The following ARID3A variants were observed in gnomAD, a reference collection of about 807,000 sequenced individuals.
The protein encoded by ARID3A is AT-rich interaction domain 3A.
ARID3A carries 11 observed loss-of-function variants against 52.7 expected under a neutral mutation model. The observed-to-expected ratio is 0.21, with a 90% CI of 0.13 to 0.35. ARID3A has a LOEUF of 0.35. Ranked by LOEUF, ARID3A falls within the 10% of genes least tolerant of loss-of-function variation. ARID3A has a pLI of 1.00. For synonymous variants in ARID3A, 404 were observed against 359.4 expected, an observed-to-expected ratio of 1.12 and a Z score of -1.40; for missense variants, 721 against 838.5, an observed-to-expected ratio of 0.86 and a Z score of 1.73.
Position 950,955 on chromosome 19 carries a change from T to TGGGGTTAC in ARID3A, c.694-9133_694-9126dup, listed in dbSNP as rs371560625. Among the ~76,000 whole-genome samples the TGGGGTTAC allele has an allele frequency of 1.5e-3, 226 of 152,152 alleles. 1 individual carries two copies. Among genetic ancestry groups the TGGGGTTAC allele is most frequent in the African/African-American group, 5.1e-3 (210 of 41,538 alleles). On this transcript the variant is annotated intron_variant, in intron 3 of 8. Coordinates refer to ENST00000263620, the MANE Select transcript of ARID3A (RefSeq NM_005224.3). ...CTCCTGCCTCAGCCTCTTGAGTAGC[T>TGGGGTTAC]GGGGTTACGGGCATGCACCACCACG...
At chr19:939,457 C>T (rs919694656) in intron 3 of ARID3A, among the ~76,000 whole-genome samples, 4 of 152,164 alleles carry the variant, frequency 2.6e-5, no homozygotes, top group Non-Finnish European at 4.4e-5. Context: ...ACTTGACACT[C>T]TTCTTGCAGA....
intron 3 of ARID3A, among the ~76,000 whole-genome samples, chr19:950,247 T>G (rs1188330481): frequency 4.8e-5 from 1 of 20,620 alleles, no homozygotes; most frequent in Non-Finnish European, 8.6e-5. Context: ...AACGGATGGA[T>G]GAGGCCGTCC....
intron 3 of ARID3A, among the ~76,000 whole-genome samples, chr19:954,714 G>A (rs571356462): frequency 2.5e-4 from 38 of 152,222 alleles, no homozygotes; most frequent in African/African-American, 8.9e-4. Context: ...GAGGACGGGG[G>A]GCTCCCCTCC....
Position 966,670 on chromosome 19 carries a change from G to A in ARID3A, c.1297G>A (p.Ala433Thr). 2 of 1,610,322 alleles carry A rather than the reference G, an allele frequency of 1.2e-6. No homozygotes were observed. The highest frequency in any genetic ancestry group is 1.7e-6 in the Non-Finnish European group (2 of 1,178,002). Reference protein sequence around the residue: ...VAAQAAAVQAAAAQAAVAAQA... With the variant: ...VAAQAAAVQATAAQAAVAAQA... ...AGCCCAGGCAGCAGCTGTGCAAGCA[G>A]CAGCCGCCCAAGCAGCTGTGGCCGC... is the stretch of plus-strand genomic sequence containing the variant. The change falls in exon 7 of 9, where the codon GCA becomes ACA. Residue 433 changes from alanine to threonine, a missense_variant. Around this residue, in one of 5 missense-constraint regions of ARID3A, gnomAD observed 297 missense variants for 343.2 expected, o/e 0.87. Transcript: ENST00000263620.
intron 7 of ARID3A, 58 bp downstream of exon 7, chr19:966,926 C>T (rs370150847): frequency 1.3e-6 from 2 of 1,521,914 alleles, no homozygotes; most frequent in South Asian, 1.3e-5. Flanking sequence ...CAGTGAGGGC[C>T]TTGGAGCCTA....
rs760137708 is a variant in ARID3A at position 972,057 on chromosome 19, T to C, written c.1774T>C (p.Leu592=). Residue 592 remains leucine (L), a synonymous_variant, in exon 9 of 9, where the codon TTG becomes CTG. Coordinates refer to ENST00000263620, the MANE Select transcript of ARID3A (RefSeq NM_005224.3). ...CTCCACATCTACCTCAAATAACTCG[T>C]TGCCTTAACCGCATCACTCCCCACC... ...TPSTSTSNNS[L]P 1.2e-5 allele frequency: 18 copies of C among 1,554,152 alleles called. No homozygotes were observed. The Admixed American group carries it at 3.7e-4, about 32-fold the overall frequency.
chr19:955,916 C>T (rs116197283), intron 3 of ARID3A, among the ~76,000 whole-genome samples: 5 of 152,124 alleles, frequency 3.3e-5, no homozygotes, highest in Admixed American at 1.3e-4. Context: ...AGTCCAAAAT[C>T]GAGGCGTCCG....
At position 929,513 on chromosome 19, in the gene ARID3A, C is replaced by A. The variant is rs1361882445; in HGVS notation, c.-16C>A. 4 of 1,327,104 alleles carry A rather than the reference C, an allele frequency of 3.0e-6. No individual in the cohort carries two copies. Among genetic ancestry groups the A allele is most frequent in the Non-Finnish European group, 3.9e-6 (4 of 1,019,026 alleles). The allele number at this position is 1,327,104 out of a possible 1,614,324, so 82.2% of individuals were successfully genotyped here. A position where few individuals can be genotyped will look rare whatever the true frequency, so the allele number is the denominator to read the frequency against. Reference sequence around the variant, plus strand: ...GTGGTGGTGGTGGTGGTGGTGGTGGCCCGGGCCGCAGGGCCATGAAACTAC... The same window carrying A: ...GTGGTGGTGGTGGTGGTGGTGGTGGACCGGGCCGCAGGGCCATGAAACTAC... On this transcript the variant is annotated 5_prime_UTR_variant, in exon 2 of 9. Transcript: ENST00000263620. This position sits in a 1 kb window ranked among gnomAD's most constrained non-coding sequence, Gnocchi z 6.2.
rs1057015476 is a variant in ARID3A at position 947,232 on chromosome 19, C to T, written c.694-12860C>T. Among the ~76,000 whole-genome samples, 1 of 152,184 alleles carries T rather than the reference C, an allele frequency of 6.6e-6. No individual in the cohort carries two copies. Among genetic ancestry groups the T allele is most frequent in the East Asian group, 1.9e-4 (1 of 5,196 alleles). On this transcript the variant is annotated intron_variant, in intron 3 of 8. Coordinates refer to ENST00000263620, the MANE Select transcript of ARID3A (RefSeq NM_005224.3). This position sits in a 1 kb window ranked among gnomAD's most constrained non-coding sequence, Gnocchi z 6.3. Reference sequence around the variant, plus strand: ...TGTGTCTGTGTCTGCATCTGTGAAACGGGTTTCCTGGCAGATAGAGGGGCT... The same window carrying T: ...TGTGTCTGTGTCTGCATCTGTGAAATGGGTTTCCTGGCAGATAGAGGGGCT...
intron 3 of ARID3A, among the ~76,000 whole-genome samples, chr19:954,361 C>T (rs2037870246): frequency 6.6e-6 from 1 of 152,224 alleles, no homozygotes; most frequent in Non-Finnish European, 1.5e-5. Flanking sequence ...CTTCCATCCC[C>T]CACAGCAGGA....
chr19:930,700 G>T (rs564814035), intron 2 of ARID3A, among the ~76,000 whole-genome samples: 2 of 150,538 alleles, frequency 1.3e-5, no homozygotes, highest in South Asian at 4.2e-4. Flanking sequence ...TAGTAGAGAC[G>T]GGGTTTCACC....
intron 3 of ARID3A, among the ~76,000 whole-genome samples, chr19:948,441 C>T (rs1055895395): frequency 3.3e-5 from 5 of 152,120 alleles, no homozygotes; most frequent in Non-Finnish European, 5.9e-5. Flanking sequence ...CGCGGTCCTG[C>T]GGGGCCACAG....
Position 957,406 on chromosome 19 carries a change from C to T in ARID3A, c.694-2686C>T, listed in dbSNP as rs553866218. ...ACTCGCCGCTGTGTCTCAGTTTCCT[C>T]ACCTGCAAAGCAGAGCCAGTTCTCG... On this transcript the variant is annotated intron_variant, in intron 3 of 8. Coordinates refer to ENST00000263620, the MANE Select transcript of ARID3A (RefSeq NM_005224.3). Among the ~76,000 whole-genome samples the T allele has an allele frequency of 9.8e-5, 15 of 152,354 alleles. No individual in the cohort carries two copies. In the South Asian group the frequency reaches 2.7e-3, roughly 27 times the overall value.
Position 975,331 on chromosome 19 carries a change from G to A in ARID3A, c.*3266G>A. On this transcript the variant is annotated 3_prime_UTR_variant, in exon 9 of 9. Coordinates refer to ENST00000263620, the MANE Select transcript of ARID3A (RefSeq NM_005224.3). ...GGAACCTTCCGTGGGACCCGTAAGT[G>A]GCTGTCCAGAAAGGCGGGAGGGTGG... is the stretch of plus-strand genomic sequence containing the variant. The A allele has an allele frequency of 4.3e-6, 1 of 232,330 alleles. No homozygotes were observed. The highest frequency in any genetic ancestry group is 8.5e-6 in the Non-Finnish European group (1 of 117,456). The allele number at this position is 232,330 out of a possible 1,614,324, so 14.4% of individuals were successfully genotyped here.
intron 3 of ARID3A, among the ~76,000 whole-genome samples, chr19:934,101 G>A (rs371139369): frequency 2.1e-4 from 32 of 152,064 alleles, no homozygotes; most frequent in Non-Finnish European, 4.0e-4. Flanking sequence ...CCCAATATTC[G>A]CCATCTGCCC....
intron 4 of ARID3A, among the ~76,000 whole-genome samples, chr19:963,126 A>G (rs2038077998): frequency 6.6e-6 from 1 of 152,168 alleles, no homozygotes; most frequent in Non-Finnish European, 1.5e-5. Context: ...TCGACCAGGC[A>G]GAGGGCCGGC....
rs765638846 is a variant in ARID3A, at chr19:929,629, C to T, written c.101C>T (p.Ala34Val). The change falls in exon 2 of 9, where the codon GCA becomes GTA. Residue 34 changes from alanine (A) to valine (V), a missense_variant. Around this residue, in one of 5 missense-constraint regions of ARID3A, gnomAD observed 349 missense variants for 297.3 expected, o/e 1.17. Coordinates refer to ENST00000263620, the MANE Select transcript of ARID3A (RefSeq NM_005224.3). The surrounding 1 kb of genome is among the most constrained non-coding windows in gnomAD (Gnocchi z 6.2). ...CAGCTGCCCCCCGATCCCCCTGCTG[C>T]ACCCCCCGGCCGGGCCCGGGCTGCC... The part of the protein sequence containing the change: ...RQQLPPDPPA[A>V]PPGRARAAPD... 6.5e-7 allele frequency: 1 copy of T among 1,526,944 alleles called. No individual in the cohort carries two copies. The highest frequency in any genetic ancestry group is 8.7e-7 in the Non-Finnish European group (1 of 1,143,248). The allele number at this position is 1,526,944 out of a possible 1,614,324, so 94.6% of individuals were successfully genotyped here.
At chr19:953,235 G>A (rs919268185) in intron 3 of ARID3A, among the ~76,000 whole-genome samples, 4 of 152,094 alleles carry the variant, frequency 2.6e-5, no homozygotes, top group Admixed American at 2.0e-4. Context: ...TGACCCCCTC[G>A]GAGCTGTCGT....
rs1023891080 is a variant in ARID3A, at chr19:941,683, C to T, written c.693+8941C>T. 6.6e-6 allele frequency among the ~76,000 whole-genome samples: 1 copy of T among 152,098 alleles called. No individual in the cohort carries two copies. Among genetic ancestry groups the T allele is most frequent in the Non-Finnish European group, 1.5e-5 (1 of 68,014 alleles). ...CCCAGCCTGGTCTCAAACTCCTGGG[C>T]TCAAGTGATCCTCCCGCCTCGGTCT... On this transcript the variant is annotated intron_variant, in intron 3 of 8. Coordinates refer to ENST00000263620, the MANE Select transcript of ARID3A (RefSeq NM_005224.3). The surrounding 1 kb of genome is among the most constrained non-coding windows in gnomAD (Gnocchi z 6.9).
Sources: allele counts gnomAD v4.1 joint callset (sites outside exome capture counted in the v4.1 genomes callset), GRCh38; gene constraint gnomAD v4.1.1; regional missense constraint gnomAD v4.1.1; non-coding constraint Gnocchi (gnomAD v3.1); transcripts MANE v1.5; gene names NCBI Gene and HGNC (gene_info 2026-07-23, HGNC 2026-07-21).